The following KCNK10 variants were observed in gnomAD, a reference collection of about 807,000 sequenced individuals.
KCNK10 encodes the protein potassium two pore domain channel subfamily K member 10.
In KCNK10, 25 loss-of-function variants were observed where a neutral mutation model predicts 47.7. That is an observed-to-expected ratio of 0.52 (90% CI 0.38 to 0.73). The LOEUF is 0.73. Among genes scored for constraint, KCNK10 ranks in the 30% least tolerant of loss-of-function variants. KCNK10 has a pLI of 0.00. For synonymous variants in KCNK10, 303 were observed against 285.6 expected (o/e 1.06, Z -0.61); for missense variants, 563 against 714.5 (o/e 0.79, Z 2.42).
At chr14:88,321,116 C>T (rs1888537462) in intron 1 of KCNK10, among the ~76,000 whole-genome samples, 1 of 152,136 alleles carries the variant, frequency 6.6e-6, no homozygotes, top group South Asian at 2.1e-4. Flanking sequence ...AAGGCAATAC[C>T]TCTTCACTCA....
intron 4 of KCNK10, among the ~76,000 whole-genome samples, chr14:88,212,233 G>C (rs1445983727): frequency 2.6e-5 from 4 of 151,656 alleles, no homozygotes; most frequent in African/African-American, 9.7e-5. Context: ...TTGAGGTCAG[G>C]AGTTCAAGAC....
In KCNK10 at chr14:88,264,261, A is replaced by G. The variant is rs577107442; in HGVS notation, c.53-710T>C. On this transcript the variant is annotated intron_variant, in intron 1 of 6. Coordinates refer to ENST00000319231, the MANE Select transcript of KCNK10 (RefSeq NM_138317.3). ...TGTAGGGCAATTTCATTACTTTGGA[A>G]ATAAATAGGTTCAGCTGGAGGCTTT... Among the ~76,000 whole-genome samples the G allele has an allele frequency of 5.5e-4, 84 of 152,348 alleles. 1 individual carries two copies. In the South Asian group the frequency reaches 0.017, roughly 31 times the overall value.
chr14:88,273,978 A>G (rs934920094), intron 1 of KCNK10, among the ~76,000 whole-genome samples: 2 of 152,060 alleles, frequency 1.3e-5, no homozygotes, highest in Admixed American at 1.3e-4. Flanking sequence ...TTCCTTCCAG[A>G]TGTCTTTCCC....
intron 2 of KCNK10, among the ~76,000 whole-genome samples, chr14:88,250,584 A>G (rs1434123222): frequency 6.6e-6 from 1 of 152,250 alleles, no homozygotes; most frequent in African/African-American, 2.4e-5. Context: ...AGTCACAACA[A>G]GGATTTCCAT....
chr14:88,197,791 G>A (rs991759260), intron 4 of KCNK10, among the ~76,000 whole-genome samples: 1 of 149,614 alleles, frequency 6.7e-6, no homozygotes, highest in Admixed American at 6.7e-5. Flanking sequence ...CTAGTTGCAA[G>A]GGACATGGCA....
intron 1 of KCNK10, among the ~76,000 whole-genome samples, chr14:88,316,792 C>A (rs763908772): frequency 9.2e-5 from 14 of 152,220 alleles, no homozygotes; most frequent in Non-Finnish European, 1.6e-4. Flanking sequence ...TTAAACTCTT[C>A]CTCTAATTTC....
At chr14:88,236,016 G>C (rs1348630545) in intron 3 of KCNK10, among the ~76,000 whole-genome samples, 2 of 152,198 alleles carry the variant, frequency 1.3e-5, no homozygotes, top group Admixed American at 1.3e-4. Context: ...TGTGAGACCA[G>C]TTAAAAAGAA....
chr14:88,288,879 C>T lies in KCNK10; in HGVS notation c.53-25328G>A, dbSNP rs150127879. Among the ~76,000 whole-genome samples, 150 of 152,242 alleles carry T rather than the reference C, an allele frequency of 9.9e-4. 1 individual carries two copies. The East Asian group carries it at 0.024, about 25-fold the overall frequency. On this transcript the variant is annotated intron_variant, in intron 1 of 6. Transcript: ENST00000319231. The stretch of plus-strand genomic sequence containing the variant: ...CTGCCTCCTCAGCGAGGACTTCCTT[C>T]CTCACCACCCCACTGCAGAAGGGCC...
At chr14:88,204,718 C>T (rs765586491) in intron 4 of KCNK10, among the ~76,000 whole-genome samples, 2 of 152,080 alleles carry the variant, frequency 1.3e-5, no homozygotes, top group East Asian at 1.9e-4. Context: ...TACTTCAGTG[C>T]CTTTTTCAAG....
chr14:88,231,304 A>G (rs1360677456), intron 3 of KCNK10, among the ~76,000 whole-genome samples: 1 of 126,540 alleles, frequency 7.9e-6, no homozygotes, highest in South Asian at 2.6e-4. Flanking sequence ...AAAATAAAAA[A>G]TAAACATCCA....
intron 6 of KCNK10, among the ~76,000 whole-genome samples, chr14:88,187,334 C>T (rs1280924753): frequency 2.0e-5 from 3 of 151,880 alleles, no homozygotes; most frequent in Non-Finnish European, 2.9e-5. Context: ...TTCCTCTCTT[C>T]CTAAGAGAGC....
At chr14:88,219,868 T>A (rs1239488910) in intron 4 of KCNK10, among the ~76,000 whole-genome samples, 1 of 152,196 alleles carries the variant, frequency 6.6e-6, no homozygotes, top group East Asian at 1.9e-4. Context: ...GGGATACTGA[T>A]GCCTAAGGTT....
intron 4 of KCNK10, 30 bp downstream of exon 4, chr14:88,227,345 G>A (rs1248149976): frequency 4.5e-6 from 7 of 1,565,170 alleles, no homozygotes; most frequent in Non-Finnish European, 6.0e-6. Flanking sequence ...GATCACAGTG[G>A]TTAGAATTTA....
intron 4 of KCNK10, among the ~76,000 whole-genome samples, chr14:88,224,540 G>T (rs1885923131): frequency 6.6e-6 from 1 of 152,226 alleles, no homozygotes. Flanking sequence ...CCTGGGATGT[G>T]TTGGAAGGAC....
At chr14:88,311,320 A>T (rs1888323961) in intron 1 of KCNK10, among the ~76,000 whole-genome samples, 1 of 148,566 alleles carries the variant, frequency 6.7e-6, no homozygotes, top group South Asian at 2.1e-4. Context: ...CAATCAAGAC[A>T]TTCCTGTTAT....
chr14:88,201,827 C>T (rs915741204), intron 4 of KCNK10, among the ~76,000 whole-genome samples: 1 of 151,952 alleles, frequency 6.6e-6, no homozygotes, highest in Non-Finnish European at 1.5e-5. Context: ...TAGACTATTA[C>T]CTTTCATGAA....
intron 1 of KCNK10, among the ~76,000 whole-genome samples, chr14:88,303,024 G>T (rs1475673380): frequency 1.3e-5 from 2 of 152,150 alleles, no homozygotes; most frequent in African/African-American, 4.8e-5. Context: ...ATGAGTTTAG[G>T]GGGTGATATT....
chr14:88,298,351 C>G (rs935064765), intron 1 of KCNK10, among the ~76,000 whole-genome samples: 1 of 152,204 alleles, frequency 6.6e-6, no homozygotes, highest in Non-Finnish European at 1.5e-5. Context: ...GAATTAACTA[C>G]AGTGTGGACT....
At chr14:88,228,896 C>G (rs1041739149) in intron 3 of KCNK10, among the ~76,000 whole-genome samples, 7 of 152,168 alleles carry the variant, frequency 4.6e-5, no homozygotes, top group Non-Finnish European at 8.8e-5. Context: ...AAAAAGCTCT[C>G]AGAACTTTTT....
Sources: gnomAD v4.1 joint callset for allele counts (sites outside exome capture counted in the v4.1 genomes callset) on GRCh38, gnomAD v4.1.1 for gene constraint, MANE v1.5 for transcripts, NCBI Gene and HGNC (gene_info 2026-07-23, HGNC 2026-07-21) for gene names.